Variants in DAGLB observed in about 807,000 individuals in gnomAD.
DAGLB encodes the protein diacylglycerol lipase-beta.
DAGLB carries 66 observed loss-of-function variants against 72.1 expected under a neutral mutation model. That is an observed-to-expected ratio of 0.92 (90% CI 0.75 to 1.12). The LOEUF is 1.12. Ranked by LOEUF, DAGLB falls within the 50% of genes most tolerant of loss-of-function variation. The probability of loss-of-function intolerance (pLI) is 0.00; values close to 1 mark genes in which losing one functional copy is unlikely to be tolerated. For missense variants in DAGLB, 1,065 were observed against 884.9 expected, an observed-to-expected ratio of 1.20 and a Z score of -2.58; for synonymous variants, 414 against 359.5, an observed-to-expected ratio of 1.15 and a Z score of -1.71.
intron 2 of DAGLB, among the ~76,000 whole-genome samples, chr7:6,443,252 A>C (rs1784892680): frequency 1.3e-5 from 1 of 78,684 alleles, no homozygotes; most frequent in Admixed American, 1.4e-4. Flanking sequence ...TCTCTACTAA[A>C]AAAAAAAAAA....
At chr7:6,443,187 C>T (rs182028251) in intron 2 of DAGLB, among the ~76,000 whole-genome samples, 8 of 132,806 alleles carry the variant, frequency 6.0e-5, no homozygotes, top group Admixed American at 2.5e-4. Flanking sequence ...AGACTCCATC[C>T]GGAAAAAAAA....
At chr7:6,446,190 A>C (rs1784994138) in intron 1 of DAGLB, 86 bp from the exon 2 acceptor site, 3 of 1,411,820 alleles carry the variant, frequency 2.1e-6, no homozygotes, top group Non-Finnish European at 2.8e-6. Context: ...AAAAGGGGAC[A>C]GGGCGCGGTG....
In DAGLB at chr7:6,432,688, G is replaced by A. The variant is rs1784524123; in HGVS notation, c.801+149C>T. 4.9e-6 allele frequency: 5 copies of A among 1,012,318 alleles called. No individual in the cohort carries two copies. In the East Asian group the frequency reaches 1.6e-4, roughly 32 times the overall value. 62.7% of individuals were successfully genotyped at this position (1,012,318 alleles called of 1,614,324 possible). On this transcript the variant is annotated intron_variant, in intron 5 of 14. Coordinates refer to ENST00000297056, the MANE Select transcript of DAGLB (RefSeq NM_139179.4). Reference sequence around the variant, plus strand: ...AAAAAAAAAAAAAAAGGTGGGAGAGGGGAGGGAAGGGGAGGAGGGGGAGGG... The same window carrying A: ...AAAAAAAAAAAAAAAGGTGGGAGAGAGGAGGGAAGGGGAGGAGGGGGAGGG...
intron 6 of DAGLB, 64 bp downstream of exon 6, chr7:6,430,416 T>C: frequency 7.1e-7 from 1 of 1,410,056 alleles, no homozygotes; most frequent in Non-Finnish European, 9.3e-7. Context: ...TTTTGAAATA[T>C]CTCAAAATAG....
intron 9 of DAGLB, 165 bp from the exon 10 acceptor site, chr7:6,417,086 C>T (rs1583283161): frequency 5.4e-6 from 4 of 740,890 alleles, no homozygotes; most frequent in South Asian, 1.8e-5. Flanking sequence ...GCTCCTGGCA[C>T]CTTGCACAGC....
intron 11 of DAGLB, among the ~76,000 whole-genome samples, chr7:6,415,931 C>T (rs1562478954): frequency 6.6e-6 from 1 of 151,902 alleles, no homozygotes; most frequent in Non-Finnish European, 1.5e-5. Context: ...AGGGCATATG[C>T]CCCCCGAGAG....
At position 6,420,863 on chromosome 7, in the gene DAGLB, G is replaced by A. The variant is rs572686835; in HGVS notation, c.1218+864C>T. 8.2e-4 allele frequency among the ~76,000 whole-genome samples: 125 copies of A among 152,314 alleles called. 1 individual carries two copies. The highest frequency in any genetic ancestry group is 2.8e-3 in the African/African-American group (117 of 41,562). ...AGCATGAAACTGTAAGCCTGGCACC[G>A]TGCCATCTGCCATCTGCACAGAGAA... On this transcript the variant is annotated intron_variant, in intron 9 of 14. Transcript: ENST00000297056.
intron 11 of DAGLB, among the ~76,000 whole-genome samples, chr7:6,415,640 C>A (rs112001377): frequency 1.3e-5 from 2 of 151,092 alleles, no homozygotes; most frequent in Non-Finnish European, 2.9e-5. Flanking sequence ...GACAGGAGAT[C>A]GAGACCATCC....
intron 7 of DAGLB, 96 bp downstream of exon 7, chr7:6,425,892 T>C (rs1784296044): frequency 2.6e-6 from 4 of 1,568,514 alleles, no homozygotes; most frequent in Non-Finnish European, 3.5e-6. Context: ...TGTGTGTCTA[T>C]GAATTACGGG....
At chr7:6,419,296 C>G (rs958196721) in intron 9 of DAGLB, among the ~76,000 whole-genome samples, 2 of 152,056 alleles carry the variant, frequency 1.3e-5, no homozygotes, top group African/African-American at 4.8e-5. Flanking sequence ...GCACCCGGCC[C>G]TGACAGCACT....
chr7:6,446,477 CAAAAAAAAAAAAAAAAAAAAAAAA>C, intron 1 of DAGLB, among the ~76,000 whole-genome samples: 1 of 58,652 alleles, frequency 1.7e-5, no homozygotes, highest in Admixed American at 3.2e-4. Flanking sequence ...GACTCCGTCT[CAAAAAAAAAAAAAAAAAAAAAAAA>C]AAAAAAAAAG....
At chr7:6,430,122 T>C (rs1784433076) in intron 6 of DAGLB, among the ~76,000 whole-genome samples, 1 of 149,060 alleles carries the variant, frequency 6.7e-6, no homozygotes, top group Non-Finnish European at 1.5e-5. Flanking sequence ...GTAGCACCGC[T>C]TGAGCCTGGG....
chr7:6,440,961 G>T (rs1340605915), intron 2 of DAGLB, among the ~76,000 whole-genome samples: 3 of 146,628 alleles, frequency 2.0e-5, no homozygotes, highest in Admixed American at 1.4e-4. Flanking sequence ...TTTTTTCTTT[G>T]TTTTTTTTTT....
chr7:6,421,885 C>T (rs1407540142), intron 8 of DAGLB, 81 bp from the exon 9 acceptor site: 9 of 1,476,518 alleles, frequency 6.1e-6, no homozygotes, highest in East Asian at 2.3e-5. Context: ...CTGCTCCTGA[C>T]ACTTCTGTGG....
At chr7:6,426,238 G>A in intron 6 of DAGLB, 124 bp from the exon 7 acceptor site, 1 of 1,393,312 alleles carries the variant, frequency 7.2e-7, no homozygotes, top group African/African-American at 1.4e-5. Flanking sequence ...GACTTAGCCT[G>A]GCTGACATGG....
Position 6,422,081 on chromosome 7 carries a change from G to A in DAGLB, c.1141-277C>T, listed in dbSNP as rs147021040. 2,105 of 521,944 alleles carry A rather than the reference G, an allele frequency of 4.0e-3. 14 individuals are homozygous for A. The highest frequency in any genetic ancestry group is 0.011 in the South Asian group (633 of 59,886). The allele number at this position is 521,944 out of a possible 1,614,324, so 32.3% of individuals were successfully genotyped here. A position where few individuals can be genotyped will look rare whatever the true frequency, so the allele number is the denominator to read the frequency against. ...CCTGCGCCTTCCCCATCACACACAC[G>A]TATTCTAAGGACCCCGTGGCACAGA... On this transcript the variant is annotated intron_variant, in intron 8 of 14. Transcript: ENST00000297056.
chr7:6,429,573 T>C (rs1482602485), intron 6 of DAGLB, among the ~76,000 whole-genome samples: 3 of 151,114 alleles, frequency 2.0e-5, no homozygotes, highest in African/African-American at 7.3e-5. Context: ...ACCAGCCCGG[T>C]CAACATGGGG....
chr7:6,430,907 T>C (rs753743405), intron 5 of DAGLB, among the ~76,000 whole-genome samples: 1 of 151,974 alleles, frequency 6.6e-6, no homozygotes, highest in Non-Finnish European at 1.5e-5. Context: ...TCTCAAGTCG[T>C]TGAGACTACA....
In DAGLB at chr7:6,421,817, C is replaced by T. The variant is rs201501989; in HGVS notation, c.1141-13G>A. 140 of 1,611,704 alleles carry T rather than the reference C, an allele frequency of 8.7e-5. 2 individuals are homozygous for T. The East Asian group carries it at 2.5e-3, about 29-fold the overall frequency. On this transcript the variant is annotated splice_polypyrimidine_tract_variant and intron_variant, in intron 8 of 14. Coordinates refer to ENST00000297056, the MANE Select transcript of DAGLB (RefSeq NM_139179.4). ...CCGTAAGGACATCCTGTAAAAAGGG[C>T]GTTGCAGAAGCGGCCGTCAGCCTGT...
Sources: allele counts gnomAD v4.1 joint callset (sites outside exome capture counted in the v4.1 genomes callset), GRCh38; gene constraint gnomAD v4.1.1; transcripts MANE v1.5; gene names NCBI Gene and HGNC (gene_info 2026-07-23, HGNC 2026-07-21).